The following EPB41L4A variants were observed in gnomAD, a reference collection of about 807,000 sequenced individuals.
The protein encoded by EPB41L4A is band 4.1-like protein 4A.
In EPB41L4A, 100 loss-of-function variants were observed where a neutral mutation model predicts 108.6. The observed-to-expected ratio is 0.92, with a 90% CI of 0.78 to 1.09. EPB41L4A has a LOEUF of 1.09. EPB41L4A is among the 50% of genes least tolerant of loss of function. The pLI, the probability that EPB41L4A is intolerant of heterozygous loss-of-function variation, is 0.00. For synonymous variants in EPB41L4A, 319 were observed against 289.0 expected (o/e 1.10, Z -1.05); for missense variants, 1,030 against 842.7 (o/e 1.22, Z -2.75).
chr5:112,312,010 A>G (rs1250606262), intron 1 of EPB41L4A, among the ~76,000 whole-genome samples: 2 of 152,240 alleles, frequency 1.3e-5, no homozygotes, highest in East Asian at 3.8e-4. Flanking sequence ...TACGTATGAC[A>G]ATGAGAAGGT....
chr5:112,297,124 G>A (rs12652337), intron 2 of EPB41L4A, among the ~76,000 whole-genome samples: 6,786 of 151,950 alleles, frequency 0.045, 564 homozygotes, highest in East Asian at 0.34. Flanking sequence ...TATCTTTTTC[G>A]TATGACTTCT....
At chr5:112,344,571 G>A (rs1018822675) in intron 1 of EPB41L4A, among the ~76,000 whole-genome samples, 6 of 152,338 alleles carry the variant, frequency 3.9e-5, no homozygotes, top group South Asian at 2.1e-4. Flanking sequence ...CTATGTAGGT[G>A]TGATTGAAGT....
chr5:112,419,213 G>A lies in EPB41L4A; in HGVS notation c.-174C>T. The A allele has an allele frequency of 2.1e-6, 1 of 487,086 alleles. No individual in the cohort carries two copies. The highest frequency in any genetic ancestry group is 3.6e-6 in the Non-Finnish European group (1 of 274,894). 30.2% of individuals were successfully genotyped at this position (487,086 alleles called of 1,614,324 possible). On this transcript the variant is annotated 5_prime_UTR_variant, in exon 1 of 23. Coordinates refer to ENST00000261486, the MANE Select transcript of EPB41L4A (RefSeq NM_022140.5). ...CCGAACCGCCCGGCGGGGCGGGAGCGAGAAAGGCGGAAAAGCCCGGGAGAG... is the reference window on the plus strand; with the variant it reads ...CCGAACCGCCCGGCGGGGCGGGAGCAAGAAAGGCGGAAAAGCCCGGGAGAG...
intron 13 of EPB41L4A, among the ~76,000 whole-genome samples, chr5:112,206,668 G>A (rs1762488230): frequency 1.3e-5 from 2 of 152,134 alleles, no homozygotes; most frequent in African/African-American, 4.8e-5. Flanking sequence ...GAAATAGGGA[G>A]ATAAAAGAGG....
intron 1 of EPB41L4A, among the ~76,000 whole-genome samples, chr5:112,331,163 C>T (rs1361867034): frequency 6.6e-6 from 1 of 152,128 alleles, no homozygotes; most frequent in Non-Finnish European, 1.5e-5. Context: ...CTCTCTGTGC[C>T]CAGCTTCCTC....
intron 1 of EPB41L4A, among the ~76,000 whole-genome samples, chr5:112,412,772 G>A (rs1762485004): frequency 6.6e-6 from 1 of 152,220 alleles, no homozygotes; most frequent in South Asian, 2.1e-4. Flanking sequence ...AACCAAAGCA[G>A]TCAATCTCAG....
At chr5:112,257,704 A>C (rs1751206235) in intron 9 of EPB41L4A, among the ~76,000 whole-genome samples, 1 of 152,212 alleles carries the variant, frequency 6.6e-6, no homozygotes, top group African/African-American at 2.4e-5. Flanking sequence ...AATAACTTAT[A>C]AGGAAAGAAT....
intron 1 of EPB41L4A, among the ~76,000 whole-genome samples, chr5:112,389,766 C>T (rs1046515596): frequency 5.3e-5 from 8 of 152,114 alleles, no homozygotes; most frequent in African/African-American, 1.9e-4. Flanking sequence ...TAATTGAGAC[C>T]TTTAAACTAA....
chr5:112,188,911 T>C (rs776370279), intron 17 of EPB41L4A, among the ~76,000 whole-genome samples: 6 of 152,232 alleles, frequency 3.9e-5, no homozygotes, highest in Admixed American at 2.6e-4. Context: ...AATTGTGATC[T>C]TCTAGATTTG....
chr5:112,316,832 G>A (rs1755456570), intron 1 of EPB41L4A, among the ~76,000 whole-genome samples: 1 of 152,152 alleles, frequency 6.6e-6, no homozygotes, highest in Non-Finnish European at 1.5e-5. Flanking sequence ...GAAGAACCCA[G>A]GATGGCTTCA....
chr5:112,241,078 T>C (rs1749752958), intron 9 of EPB41L4A, among the ~76,000 whole-genome samples: 1 of 152,106 alleles, frequency 6.6e-6, no homozygotes, highest in South Asian at 2.1e-4. Context: ...GTTTGGACGG[T>C]AGAAGTGAAA....
chr5:112,147,696 T>A (rs1338185839), intron 12 of EPB41L4A, among the ~76,000 whole-genome samples: 2 of 144,234 alleles, frequency 1.4e-5, no homozygotes, highest in Admixed American at 6.9e-5. Context: ...GAGAAAAAAA[T>A]TTAAGGGTAA....
At chr5:112,241,044 T>G (rs1749749865) in intron 9 of EPB41L4A, among the ~76,000 whole-genome samples, 1 of 152,210 alleles carries the variant, frequency 6.6e-6, no homozygotes, top group Admixed American at 6.5e-5. Context: ...TACCTACTTT[T>G]ACATTGCCCC....
intron 12 of EPB41L4A, among the ~76,000 whole-genome samples, chr5:112,220,394 A>T (rs1324073093): frequency 6.6e-6 from 1 of 152,164 alleles, no homozygotes; most frequent in Admixed American, 6.5e-5. Flanking sequence ...TCCCAATACC[A>T]ACCCCAAGAG....
chr5:112,154,946 A>T (rs886403565), intron 12 of EPB41L4A, among the ~76,000 whole-genome samples: 17 of 152,200 alleles, frequency 1.1e-4, no homozygotes, highest in African/African-American at 3.9e-4. Context: ...CAACAAATTT[A>T]AAAATGTGCA....
intron 12 of EPB41L4A, among the ~76,000 whole-genome samples, chr5:112,153,234 A>G (rs1015557792): frequency 3.0e-4 from 46 of 151,396 alleles, no homozygotes; most frequent in Admixed American, 5.9e-4. Flanking sequence ...TTTAAAAAAA[A>G]AGAAAAAGAG....
intron 20 of EPB41L4A, 58 bp from the exon 21 acceptor site, chr5:112,169,163 A>T: frequency 1.6e-6 from 2 of 1,240,964 alleles, no homozygotes; most frequent in Non-Finnish European, 1.2e-6. Flanking sequence ...AAGGAAAAGT[A>T]GGAGTTCTTA....
At chr5:112,356,439 ACT>A (rs1289837614) in intron 1 of EPB41L4A, among the ~76,000 whole-genome samples, 2 of 151,976 alleles carry the variant, frequency 1.3e-5, no homozygotes, top group African/African-American at 4.8e-5. Flanking sequence ...TCAGACAGTG[ACT>A]CTGATGTGGC....
chr5:112,343,287 A>G (rs1347854684), intron 1 of EPB41L4A, among the ~76,000 whole-genome samples: 3 of 152,218 alleles, frequency 2.0e-5, no homozygotes, highest in Non-Finnish European at 4.4e-5. Flanking sequence ...TTAAGAAGAA[A>G]TATATAGTAT....
Sources: gnomAD v4.1 joint callset for allele counts (sites outside exome capture counted in the v4.1 genomes callset) on GRCh38, gnomAD v4.1.1 for gene constraint, MANE v1.5 for transcripts, NCBI Gene and HGNC (gene_info 2026-07-23, HGNC 2026-07-21) for gene names.